Variants in ZFYVE26 observed in about 807,000 individuals in gnomAD.
ZFYVE26 encodes the protein zinc finger FYVE-type containing 26.
Under a neutral mutation model 276.5 loss-of-function variants are expected in ZFYVE26, and 181 were observed. The observed-to-expected ratio is 0.65, with a 90% confidence interval of 0.58 to 0.74. The LOEUF (loss-of-function observed/expected upper bound fraction) is 0.74, where lower values mean the gene tolerates loss of function less well. Among genes scored for constraint, ZFYVE26 ranks in the 30% least tolerant of loss-of-function variants. The pLI is 0.00. For synonymous variants in ZFYVE26, 1,129 were observed against 1,203.1 expected (o/e 0.94, Z 1.27); for missense variants, 2,821 against 3,097.9 (o/e 0.91, Z 2.12).
In ZFYVE26 at chr14:67,772,149, T is replaced by C; in HGVS notation, c.5382A>G (p.Ser1794=). Residue 1794 remains serine, a synonymous_variant, in exon 28 of 42, where the codon TCA becomes TCG. Coordinates refer to ENST00000347230, the MANE Select transcript of ZFYVE26 (RefSeq NM_015346.4). ...RERSFPPTQP[S]QEFVPPATPP... ...GTGTCGCTGGGGGCACAAATTCCTGTGAGGGCTGGGTTGGTGGGAAACTCC... is the reference window on the plus strand; with the variant it reads ...GTGTCGCTGGGGGCACAAATTCCTGCGAGGGCTGGGTTGGTGGGAAACTCC... 2 of 1,613,236 alleles carry C rather than the reference T, an allele frequency of 1.2e-6. No individual in the cohort carries two copies. Among genetic ancestry groups the C allele is most frequent in the Non-Finnish European group, 8.5e-7 (1 of 1,179,826 alleles).
At chr14:67,787,907 T>C (rs752550384) in intron 16 of ZFYVE26, among the ~76,000 whole-genome samples, 4 of 152,250 alleles carry the variant, frequency 2.6e-5, no homozygotes, top group Non-Finnish European at 5.9e-5. Flanking sequence ...GGCCCTTGGC[T>C]GGCACTGTGG....
intron 8 of ZFYVE26, 117 bp downstream of exon 8, chr14:67,805,100 G>T: frequency 1.0e-6 from 1 of 953,810 alleles, no homozygotes; most frequent in Non-Finnish European, 1.6e-6. Flanking sequence ...TTAGTAGCTG[G>T]TCAACATTGC....
intron 14 of ZFYVE26, among the ~76,000 whole-genome samples, 175 bp from the exon 15 acceptor site, chr14:67,790,948 A>G (rs2039798523): frequency 6.6e-6 from 1 of 152,244 alleles, no homozygotes; most frequent in South Asian, 2.1e-4. Context: ...AATAATTCAT[A>G]AAAGTAAGAA....
intron 32 of ZFYVE26, 51 bp from the exon 33 acceptor site, chr14:67,762,870 G>C (rs1446785010): frequency 6.2e-7 from 1 of 1,608,838 alleles, no homozygotes; most frequent in East Asian, 2.2e-5. Flanking sequence ...GTCTTACTAA[G>C]AGTAGCCGCT....
At chr14:67,775,375 G>C (rs2039314822) in intron 26 of ZFYVE26, among the ~76,000 whole-genome samples, 1 of 152,248 alleles carries the variant, frequency 6.6e-6, no homozygotes, top group South Asian at 2.1e-4. Flanking sequence ...AAAATGCCCA[G>C]AGGGAAGTGG....
rs200243306 is a variant in ZFYVE26, at chr14:67,778,189, G to A, written c.4734C>T (p.Ile1578=). Residue 1578 remains isoleucine, a synonymous_variant, in exon 24 of 42, where the codon ATC becomes ATT. Coordinates refer to ENST00000347230, the MANE Select transcript of ZFYVE26 (RefSeq NM_015346.4). ...GGAGAAGATGCTTTTGATGAAGGCT[G>A]ATTAAATGTTCTCTTGGAATGGGGT... ...CLYPIPREHL[I]SLHQKHLLHL... 1,406 of 1,614,144 alleles carry A rather than the reference G, an allele frequency of 8.7e-4. 1 individual carries two copies. Among genetic ancestry groups the A allele is most frequent in the South Asian group, 1.2e-3 (105 of 91,078 alleles).
At position 67,772,356 on chromosome 14, in the gene ZFYVE26, T is replaced by C. The variant is rs1168327709; in HGVS notation, c.5321-146A>G. ...TGATCATCAGTGACTGTTTGTGTCA[T>C]AAAAGAGAGACAACTGAACATTGTG... is the stretch of plus-strand genomic sequence containing the variant. On this transcript the variant is annotated intron_variant, in intron 27 of 41. Transcript: ENST00000347230. 5 of 976,544 alleles carry C rather than the reference T, an allele frequency of 5.1e-6. 1 individual carries two copies. Among genetic ancestry groups the C allele is most frequent in the South Asian group, 4.5e-5 (3 of 66,970 alleles). 60.5% of individuals were successfully genotyped at this position (976,544 alleles called of 1,614,324 possible).
intron 10 of ZFYVE26, chr14:67,799,036 T>C (rs568210974): frequency 1.7e-6 from 2 of 1,176,038 alleles, no homozygotes; most frequent in South Asian, 1.2e-5. Flanking sequence ...CCGTTCCCAG[T>C]GACAAAGAAC....
At position 67,766,343 on chromosome 14, in the gene ZFYVE26, G is replaced by A. The variant is rs762608099; in HGVS notation, c.5895C>T (p.Leu1965=). ...IEHCCRLSKG[L]TNPEVDAGLL... ...GCCCGGCATCCACCTCTGGGTTGGT[G>A]AGGCCCTTGGAGAGCCTGCAGCAGT... Residue 1965 remains leucine (L), a synonymous_variant, in exon 32 of 42, where the codon CTC becomes CTT. Coordinates refer to ENST00000347230, the MANE Select transcript of ZFYVE26 (RefSeq NM_015346.4). 1 of 1,613,380 alleles carries A rather than the reference G, an allele frequency of 6.2e-7. No individual in the cohort carries two copies. Among genetic ancestry groups the A allele is most frequent in the Non-Finnish European group, 8.5e-7 (1 of 1,180,036 alleles).
rs1225686751 is a variant in ZFYVE26 at position 67,815,758 on chromosome 14, G to C, written c.194+12C>G. On this transcript the variant is annotated intron_variant, in intron 2 of 41. Transcript: ENST00000347230. ...ACCCTGGGACCGTCTGGTAGGAAAA[G>C]AGATCCCTTACCTCAGCAGATTTGG... 1 of 1,612,516 alleles carries C rather than the reference G, an allele frequency of 6.2e-7. No homozygotes were observed. Among genetic ancestry groups the C allele is most frequent in the Non-Finnish European group, 8.5e-7 (1 of 1,179,954 alleles).
chr14:67,755,850 G>A, intron 36 of ZFYVE26, 98 bp downstream of exon 36: 1 of 1,451,148 alleles, frequency 6.9e-7, no homozygotes, highest in South Asian at 1.1e-5. Context: ...AGCAAGGCCA[G>A]GGACCAATGA....
intron 24 of ZFYVE26, 35 bp downstream of exon 24, chr14:67,778,091 C>T: frequency 1.2e-6 from 2 of 1,613,906 alleles, no homozygotes; most frequent in Non-Finnish European, 1.7e-6. Context: ...TCTTGTCCCA[C>T]CCCAGAAGAA....
rs114743828 is a variant in ZFYVE26 at position 67,754,242 on chromosome 14, C to A, written c.6987-30G>T. 5.8e-3 allele frequency: 9,337 copies of A among 1,613,844 alleles called. 93 individuals are homozygous for A. Among genetic ancestry groups the A allele is most frequent in the African/African-American group, 0.043 (3,227 of 75,010 alleles). On this transcript the variant is annotated intron_variant, in intron 37 of 41. Transcript: ENST00000347230. ...GGTGACAGAATATGCACAGTCCAGC[C>A]TCATGAGGGGCCCCAGGTGACTGAG...
chr14:67,729,969 T>C, intron 13 of ZFYVE26: 1 of 376,130 alleles, frequency 2.7e-6, no homozygotes, highest in South Asian at 2.0e-5. Context: ...TTGTCCCGCT[T>C]TGTTCAAGGC....
chr14:67,777,681 G>A lies in ZFYVE26; in HGVS notation c.4852C>T (p.Leu1618Phe). Reference protein sequence around the residue: ...TMCLEVTEQSLDQHTSLATSH... With the variant: ...TMCLEVTEQSFDQHTSLATSH... ...GTGGCCAAGCTAGTGTGCTGGTCGA[G>A]GGATTGCTCTGTCACTTCAAGGCAC... is the stretch of plus-strand genomic sequence containing the variant. The change falls in exon 25 of 42, where the codon CTC becomes TTC. Residue 1618 changes from leucine to phenylalanine, a missense_variant. Coordinates refer to ENST00000347230, the MANE Select transcript of ZFYVE26 (RefSeq NM_015346.4). The A allele has an allele frequency of 1.2e-6, 2 of 1,614,156 alleles. No individual in the cohort carries two copies. Among genetic ancestry groups the A allele is most frequent in the Non-Finnish European group, 1.7e-6 (2 of 1,180,034 alleles).
chr14:67,737,954 A>T (rs926324209), intron 13 of ZFYVE26, among the ~76,000 whole-genome samples: 1 of 152,248 alleles, frequency 6.6e-6, no homozygotes, highest in Non-Finnish European at 1.5e-5. Flanking sequence ...GGAAATTTTC[A>T]GAAGAAACGC....
At chr14:67,769,420 C>T (rs904697335) in intron 29 of ZFYVE26, among the ~76,000 whole-genome samples, 174 bp downstream of exon 29, 1 of 152,220 alleles carries the variant, frequency 6.6e-6, no homozygotes, top group African/African-American at 2.4e-5. Context: ...TTAGTGGTTT[C>T]TCTGACCAAA....
At chr14:67,813,209 G>A (rs1235152426) in intron 3 of ZFYVE26, among the ~76,000 whole-genome samples, 8 of 152,156 alleles carry the variant, frequency 5.3e-5, no homozygotes, top group African/African-American at 1.9e-4. Context: ...GTCCATCTGG[G>A]CTAAAAAAGT....
chr14:67,780,851 G>A (rs4143685), intron 22 of ZFYVE26, among the ~76,000 whole-genome samples: 1 of 152,106 alleles, frequency 6.6e-6, no homozygotes, highest in Non-Finnish European at 1.5e-5. Context: ...CTATTTTATA[G>A]TTGTTATGTA....
Sources: allele counts gnomAD v4.1 joint callset (sites outside exome capture counted in the v4.1 genomes callset), GRCh38; gene constraint gnomAD v4.1.1; transcripts MANE v1.5; gene names NCBI Gene and HGNC (gene_info 2026-07-23, HGNC 2026-07-21).